UBE2K: variants seen among roughly 807,000 people sequenced by gnomAD.
UBE2K encodes the protein ubiquitin-conjugating enzyme E2 K.
UBE2K carries 6 observed loss-of-function variants against 30.0 expected under a neutral mutation model. That is an observed-to-expected ratio of 0.20 (90% CI 0.11 to 0.39). The LOEUF (loss-of-function observed/expected upper bound fraction) is 0.39. Ranked by LOEUF, UBE2K falls within the 10% of genes least tolerant of loss-of-function variation. UBE2K has a pLI of 1.00. For missense variants in UBE2K, 61 were observed against 241.6 expected (o/e 0.25, Z 4.96); for synonymous variants, 86 against 83.7 (o/e 1.03, Z -0.15).
chr4:39,764,287 G>A (rs1030307032), intron 4 of UBE2K, among the ~76,000 whole-genome samples: 2 of 152,166 alleles, frequency 1.3e-5, no homozygotes, highest in Non-Finnish European at 2.9e-5. Context: ...GCAGTGAGCC[G>A]TGTTCACACA....
chr4:39,705,313 T>G (rs1049135137), intron 1 of UBE2K, among the ~76,000 whole-genome samples: 3 of 149,540 alleles, frequency 2.0e-5, no homozygotes, highest in African/African-American at 7.4e-5. Flanking sequence ...CTCTCGTGCC[T>G]CAGCCTCCTG....
intron 1 of UBE2K, among the ~76,000 whole-genome samples, chr4:39,724,876 T>A (rs1719652990): frequency 6.6e-6 from 1 of 152,178 alleles, no homozygotes. Context: ...TTGGGCTGTG[T>A]TTTGTATTAA....
chr4:39,733,579 C>T (rs549427162), intron 1 of UBE2K, among the ~76,000 whole-genome samples: 42 of 152,182 alleles, frequency 2.8e-4, no homozygotes, highest in African/African-American at 8.2e-4. Flanking sequence ...ATGATCCACC[C>T]GCCTTGGCCT....
Position 39,765,318 on chromosome 4 carries a change from G to T in UBE2K, c.300-9516G>T, listed in dbSNP as rs536900398. 1.3e-4 allele frequency among the ~76,000 whole-genome samples: 20 copies of T among 151,928 alleles called. No individual in the cohort carries two copies. In the East Asian group the frequency reaches 2.9e-3, roughly 22 times the overall value. ...GTGGGTGGATCGCTTGAGCCCAGGA[G>T]TTCAAGACCAGCCTGGGCAACATGG... On this transcript the variant is annotated intron_variant, in intron 4 of 6. Transcript: ENST00000261427.
At chr4:39,724,763 C>G in intron 1 of UBE2K, among the ~76,000 whole-genome samples, 1 of 148,184 alleles carries the variant, frequency 6.7e-6, no homozygotes, top group African/African-American at 2.5e-5. Context: ...GAGTGAGACC[C>G]TGTTTCAAAA....
intron 1 of UBE2K, among the ~76,000 whole-genome samples, chr4:39,724,212 A>G (rs1322146352): frequency 6.6e-6 from 1 of 150,690 alleles, no homozygotes; most frequent in Non-Finnish European, 1.5e-5. Flanking sequence ...GGCTCAAGTG[A>G]TCCTCCAACC....
chr4:39,744,408 G>A (rs1282025710), intron 2 of UBE2K, among the ~76,000 whole-genome samples: 6 of 150,856 alleles, frequency 4.0e-5, no homozygotes, highest in Non-Finnish European at 7.4e-5. Flanking sequence ...TCCTGACCTC[G>A]TGATCCACCT....
intron 1 of UBE2K, among the ~76,000 whole-genome samples, chr4:39,699,452 T>G (rs2109296704): frequency 6.6e-6 from 1 of 152,348 alleles, no homozygotes; most frequent in Non-Finnish European, 1.5e-5. Context: ...CTGCAGAATT[T>G]AGATACATTT....
intron 4 of UBE2K, among the ~76,000 whole-genome samples, chr4:39,760,176 C>CAAAAAAAAAAAAAAAAAAAAAAAAAA (rs71194913): frequency 1.3e-5 from 1 of 77,176 alleles, no homozygotes; most frequent in Non-Finnish European, 2.2e-5. Context: ...GACTCTGTCA[C>CAAAAAAAAAAAAAAAAAAAAAAAAAA]AAAAAAAAAA....
intron 4 of UBE2K, among the ~76,000 whole-genome samples, chr4:39,771,759 G>A (rs899364443): frequency 2.0e-5 from 3 of 152,222 alleles, no homozygotes; most frequent in East Asian, 3.8e-4. Context: ...AAGGGATGCT[G>A]ATGCTGCTGG....
intron 1 of UBE2K, among the ~76,000 whole-genome samples, chr4:39,708,765 C>T (rs1220543132): frequency 1.3e-5 from 2 of 151,968 alleles, no homozygotes; most frequent in Admixed American, 6.6e-5. Flanking sequence ...CTCAGAGAAA[C>T]AGAGCTGGTT....
chr4:39,755,783 C>T (rs916155328), intron 4 of UBE2K, 44 bp downstream of exon 4: 2 of 1,382,282 alleles, frequency 1.4e-6, no homozygotes, highest in South Asian at 2.5e-5. Flanking sequence ...CATATGAATA[C>T]CAAGACTGTA....
chr4:39,732,121 A>G (rs9996105), intron 1 of UBE2K, among the ~76,000 whole-genome samples: 3,809 of 152,320 alleles, frequency 0.025, 152 homozygotes, highest in African/African-American at 0.086. Context: ...GCATATTACA[A>G]TGATAAATTT....
chr4:39,735,874 C>T (rs1720350325), intron 1 of UBE2K, among the ~76,000 whole-genome samples: 1 of 151,894 alleles, frequency 6.6e-6, no homozygotes, highest in African/African-American at 2.4e-5. Context: ...GTTTTTAAAT[C>T]CTATGTTTTT....
intron 1 of UBE2K, among the ~76,000 whole-genome samples, chr4:39,728,305 C>T (rs564352927): frequency 6.6e-6 from 1 of 152,064 alleles, no homozygotes; most frequent in Admixed American, 6.6e-5. Context: ...AAAATATTGC[C>T]TGTAAATTAT....
intron 1 of UBE2K, among the ~76,000 whole-genome samples, chr4:39,705,985 G>A (rs943048243): frequency 4.0e-5 from 6 of 151,094 alleles, no homozygotes; most frequent in East Asian, 3.9e-4. Flanking sequence ...CTGGGATCCC[G>A]GGATTACAGG....
In UBE2K at chr4:39,779,333, A is replaced by G. The variant is rs570967934; in HGVS notation, c.*899A>G. Reference sequence around the variant, plus strand: ...TAGTTTTTCAGTGAATTTGACACCTATTTTTTAGTGATGAAATTTTTCTTT... The same window carrying G: ...TAGTTTTTCAGTGAATTTGACACCTGTTTTTTAGTGATGAAATTTTTCTTT... On this transcript the variant is annotated 3_prime_UTR_variant, in exon 7 of 7. Coordinates refer to ENST00000261427, the MANE Select transcript of UBE2K (RefSeq NM_005339.5). The G allele has an allele frequency of 6.6e-6, 1 of 152,428 alleles. No individual in the cohort carries two copies. Among genetic ancestry groups the G allele is most frequent in the East Asian group, 1.9e-4 (1 of 5,190 alleles). 9.4% of individuals were successfully genotyped at this position (152,428 alleles called of 1,614,324 possible).
intron 1 of UBE2K, among the ~76,000 whole-genome samples, chr4:39,717,344 C>T (rs1209475530): frequency 6.6e-6 from 1 of 151,858 alleles, no homozygotes; most frequent in African/African-American, 2.4e-5. Context: ...AGCAATTCTG[C>T]CTCAGCCTCC....
chr4:39,782,212 T>G lies in UBE2K; in HGVS notation c.*3778T>G. On this transcript the variant is annotated 3_prime_UTR_variant, in exon 7 of 7. Coordinates refer to ENST00000261427, the MANE Select transcript of UBE2K (RefSeq NM_005339.5). ...TATATATAATCAGGTGTGGCACAGT[T>G]TGTCAGTTTGATTATAGGTGTGAGT... 2.7e-6 allele frequency: 1 copy of G among 367,860 alleles called. No homozygotes were observed. Among genetic ancestry groups the G allele is most frequent in the Non-Finnish European group, 4.8e-6 (1 of 206,470 alleles). The allele number at this position is 367,860 out of a possible 1,614,324, so 22.8% of individuals were successfully genotyped here.
Sources: allele counts gnomAD v4.1 joint callset (sites outside exome capture counted in the v4.1 genomes callset), GRCh38; gene constraint gnomAD v4.1.1; transcripts MANE v1.5; gene names NCBI Gene and HGNC (gene_info 2026-07-23, HGNC 2026-07-21).